SGO1: variants seen among roughly 807,000 people sequenced by gnomAD.
SGO1 encodes the protein shugoshin 1.
SGO1 carries 39 observed loss-of-function variants against 50.5 expected under a neutral mutation model. That is an observed-to-expected ratio of 0.77 (90% CI 0.60 to 1.01). SGO1 has a LOEUF of 1.01. SGO1 is among the 50% of genes least tolerant of loss of function. SGO1 has a pLI of 0.00. For synonymous variants in SGO1, 191 were observed against 205.1 expected (o/e 0.93, Z 0.59); for missense variants, 638 against 606.0 (o/e 1.05, Z -0.55).
downstream of SGO1, chr3:20,168,782 A>G (rs1191984736): frequency 9.4e-6 from 2 of 213,398 alleles, no homozygotes; most frequent in African/African-American, 4.7e-5. Context: ...AGCTGGGACT[A>G]CAGGCGCCTG....
chr3:20,172,370 ACATGCCTGTAATCC>A (rs1406310211), intron 6 of SGO1, among the ~76,000 whole-genome samples: 1 of 152,064 alleles, frequency 6.6e-6, no homozygotes, highest in Non-Finnish European at 1.5e-5. Flanking sequence ...GCGTGGTGGC[ACATGCCTGTAATCC>A]CAGCTACTCG....
At chr3:20,160,834 CAAGA>C (rs1700002480) in exon 9 of SGO1, 2 of 252,244 alleles carry the variant, frequency 7.9e-6, no homozygotes, top group African/African-American at 4.5e-5. Context: ...GCTGAGCTTA[CAAGA>C]AAGAAAAGGC....
intron 3 of SGO1, among the ~76,000 whole-genome samples, chr3:20,179,576 C>T (rs1701782433): frequency 6.6e-6 from 1 of 152,100 alleles, no homozygotes; most frequent in Non-Finnish European, 1.5e-5. Flanking sequence ...AGGTGCATGC[C>T]ACCACAACTG....
chr3:20,174,597 T>G lies in SGO1; in HGVS notation c.934A>C (p.Asn312His). 1 of 1,601,202 alleles carries G rather than the reference T, an allele frequency of 6.2e-7. No homozygotes were observed. Among genetic ancestry groups the G allele is most frequent in the Non-Finnish European group, 8.5e-7 (1 of 1,175,688 alleles). The stretch of plus-strand genomic sequence containing the variant: ...ACAGTTTTTTTATTTTCGCTTTTAT[T>G]CTCTTTATATTTTGACATACGTTTT... ...KSKRMSKYKENKSENKKTVPQ... is the reference protein window; with the variant it reads ...KSKRMSKYKEHKSENKKTVPQ... Residue 312 changes from asparagine to histidine, a missense_variant, in exon 6 of 8, where the codon AAT becomes CAT. Asn to His is a moderately conservative substitution (Grantham distance 68, BLOSUM62 1). Coordinates refer to ENST00000412997, the MANE Select transcript of SGO1 (RefSeq NM_001199251.3).
intron 2 of SGO1, 26 bp from the exon 3 acceptor site, chr3:20,183,830 A>C: frequency 6.2e-7 from 1 of 1,601,204 alleles, no homozygotes; most frequent in South Asian, 1.1e-5. Context: ...AAAATTTATC[A>C]GTTATTAAAT....
intron 5 of SGO1, among the ~76,000 whole-genome samples, chr3:20,175,331 T>C (rs1701260780): frequency 6.6e-6 from 1 of 152,218 alleles, no homozygotes; most frequent in African/African-American, 2.4e-5. Flanking sequence ...ACTTTTTTAG[T>C]GCAGTCATGA....
chr3:20,162,494 G>A (rs979170095), intron 8 of SGO1, among the ~76,000 whole-genome samples: 5 of 152,038 alleles, frequency 3.3e-5, no homozygotes, highest in Admixed American at 6.6e-5. Context: ...CTGACAAAAC[G>A]AAGTTAACTC....
chr3:20,185,713 C>CT (rs576575193), intron 1 of SGO1, among the ~76,000 whole-genome samples: 70 of 152,294 alleles, frequency 4.6e-4, no homozygotes, highest in African/African-American at 1.7e-3. Context: ...TTGAGCCAGG[C>CT]TTTTAGCTAT....
intron 6 of SGO1, 41 bp from the exon 7 acceptor site, chr3:20,171,273 A>AC (rs752557149): frequency 1.4e-6 from 2 of 1,459,596 alleles, no homozygotes; most frequent in Non-Finnish European, 1.8e-6. Context: ...AAAAAAAAAA[A>AC]CCCACACAAA....
intron 1 of SGO1, 26 bp from the exon 2 acceptor site, chr3:20,184,060 C>A: frequency 6.5e-7 from 1 of 1,527,826 alleles, no homozygotes; most frequent in South Asian, 1.3e-5. Context: ...TATTTTTTCT[C>A]AGAGAGAATA....
intron 6 of SGO1, among the ~76,000 whole-genome samples, chr3:20,171,713 G>C (rs1310242924): frequency 6.6e-6 from 1 of 152,016 alleles, no homozygotes; most frequent in Non-Finnish European, 1.5e-5. Context: ...TCAATACCAA[G>C]GTTTATTATC....
Position 20,170,620 on chromosome 3 carries a change from CTCTGTTTGTG to C in SGO1, c.*74_*83del, listed in dbSNP as rs1379100112. ...GAGAATATTCTATGGCAATGGCTCACTCTGTTTGTGTACTCTTACAGATCCTCTCCTGAAG... is the reference window on the plus strand; with the variant it reads ...GAGAATATTCTATGGCAATGGCTCACTACTCTTACAGATCCTCTCCTGAAG... On this transcript the variant is annotated 3_prime_UTR_variant, in exon 8 of 8. Coordinates refer to ENST00000412997, the MANE Select transcript of SGO1 (RefSeq NM_001199251.3). 3.6e-5 allele frequency: 52 copies of C among 1,424,690 alleles called. No homozygotes were observed. Among genetic ancestry groups the C allele is most frequent in the Non-Finnish European group, 1.3e-5 (14 of 1,096,264 alleles). 88.3% of individuals were successfully genotyped at this position (1,424,690 alleles called of 1,614,324 possible). A position where few individuals can be genotyped will look rare whatever the true frequency, so the allele number is the denominator to read the frequency against.
chr3:20,170,889 T>C (rs1575194185), intron 7 of SGO1, 74 bp from the exon 8 acceptor site: 2 of 1,526,154 alleles, frequency 1.3e-6, no homozygotes, highest in Non-Finnish European at 1.8e-6. Context: ...TACCAAGTTA[T>C]GGTAAAACAC....
At chr3:20,162,497 G>C (rs1378336681) in intron 8 of SGO1, among the ~76,000 whole-genome samples, 3 of 152,036 alleles carry the variant, frequency 2.0e-5, no homozygotes, top group Admixed American at 2.0e-4. Flanking sequence ...ACAAAACGAA[G>C]TTAACTCTTT....
intron 3 of SGO1, among the ~76,000 whole-genome samples, chr3:20,181,944 G>A (rs563745306): frequency 6.6e-6 from 1 of 151,994 alleles, no homozygotes; most frequent in South Asian, 2.1e-4. Flanking sequence ...TTAGCCAGGT[G>A]TGGTGGCGCA....
At chr3:20,163,898 C>G (rs1042216179) in intron 8 of SGO1, among the ~76,000 whole-genome samples, 14 of 152,116 alleles carry the variant, frequency 9.2e-5, no homozygotes, top group Admixed American at 8.5e-4. Flanking sequence ...TCTAAAGAAA[C>G]AGAAAACTTA....
intron 6 of SGO1, among the ~76,000 whole-genome samples, chr3:20,173,280 G>A (rs60452696): frequency 0.046 from 6,928 of 151,902 alleles, 381 homozygotes; most frequent in East Asian, 0.2. Context: ...TGGGATTACC[G>A]GCACATACCA....
chr3:20,175,635 A>AAG (rs1701296887), intron 5 of SGO1, among the ~76,000 whole-genome samples: 1 of 151,046 alleles, frequency 6.6e-6, no homozygotes, highest in Admixed American at 6.6e-5. Context: ...TCTCTACTAA[A>AAG]AAAAATACAA....
chr3:20,179,524 A>G (rs908188587), intron 3 of SGO1, among the ~76,000 whole-genome samples: 23 of 152,294 alleles, frequency 1.5e-4, no homozygotes, highest in African/African-American at 5.5e-4. Context: ...TCCTGGGCAC[A>G]AGCAATCCTC....
Sources: gnomAD v4.1 joint callset for allele counts (sites outside exome capture counted in the v4.1 genomes callset) on GRCh38, gnomAD v4.1.1 for gene constraint, MANE v1.5 for transcripts, NCBI Gene and HGNC (gene_info 2026-07-23, HGNC 2026-07-21) for gene names.